Variants in PTPRD observed in about 807,000 individuals in gnomAD.
The protein encoded by PTPRD is receptor-type tyrosine-protein phosphatase delta.
In PTPRD, 34 loss-of-function variants were observed where a neutral mutation model predicts 214.5. The ratio of observed to expected loss-of-function variants is 0.16; its 90% CI spans 0.12 to 0.21. The LOEUF (loss-of-function observed/expected upper bound fraction) is 0.21. Ranked by LOEUF, PTPRD falls within the 10% of genes least tolerant of loss-of-function variation. The pLI is 1.00. For synonymous variants in PTPRD, 1,128 were observed against 845.7 expected (o/e 1.33, Z -5.79); for missense variants, 2,545 against 2,398.7 (o/e 1.06, Z -1.27).
At chr9:8,882,045 G>C (rs2098450304) in intron 11 of PTPRD, among the ~76,000 whole-genome samples, 1 of 152,262 alleles carries the variant, frequency 6.6e-6, no homozygotes, top group East Asian at 1.9e-4. Context: ...GGAGTCCTGA[G>C]GATCATGTCT....
intron 2 of PTPRD, among the ~76,000 whole-genome samples, chr9:10,515,598 C>T (rs1363726168): frequency 1.3e-5 from 2 of 151,782 alleles, no homozygotes; most frequent in Admixed American, 1.3e-4. Context: ...AGTAAGAATA[C>T]TTAATATAAG....
chr9:10,079,126 T>C (rs895577985), intron 3 of PTPRD, among the ~76,000 whole-genome samples: 9 of 152,120 alleles, frequency 5.9e-5, no homozygotes, highest in African/African-American at 9.6e-5. Context: ...AATTCTTTTA[T>C]TGCTATCCCT....
intron 11 of PTPRD, among the ~76,000 whole-genome samples, chr9:8,878,746 T>G (rs955016494): frequency 6.6e-6 from 1 of 152,182 alleles, no homozygotes; most frequent in African/African-American, 2.4e-5. Context: ...CCTGCTGGTC[T>G]TGAATGCCTG....
At chr9:9,465,808 T>G (rs1003493904) in intron 8 of PTPRD, among the ~76,000 whole-genome samples, 2 of 152,202 alleles carry the variant, frequency 1.3e-5, no homozygotes, top group East Asian at 3.9e-4. Flanking sequence ...GGCGATTTGC[T>G]TCCATGGAAA....
chr9:8,496,967 C>A (rs1028843116), intron 26 of PTPRD, among the ~76,000 whole-genome samples: 1 of 152,212 alleles, frequency 6.6e-6, no homozygotes, highest in Non-Finnish European at 1.5e-5. Context: ...TTAAAGCATG[C>A]CTCCTCTGAC....
chr9:8,979,016 T>C (rs7024787), intron 11 of PTPRD, among the ~76,000 whole-genome samples: 23,357 of 152,136 alleles, frequency 0.15, 2,454 homozygotes, highest in Non-Finnish European at 0.23. Flanking sequence ...TTAAAGAGTC[T>C]TGTGAAGTTG....
intron 3 of PTPRD, among the ~76,000 whole-genome samples, chr9:10,101,110 T>G (rs2098547598): frequency 6.6e-6 from 1 of 151,538 alleles, no homozygotes; most frequent in Non-Finnish European, 1.5e-5. Context: ...CAGATGGGAC[T>G]GACTGAAAGT....
chr9:9,694,351 T>A (rs779509704), intron 7 of PTPRD, among the ~76,000 whole-genome samples: 1 of 152,032 alleles, frequency 6.6e-6, no homozygotes, highest in Non-Finnish European at 1.5e-5. Flanking sequence ...TCTGGATGAA[T>A]TCTCTACATT....
At chr9:9,847,758 G>A (rs998905116) in intron 5 of PTPRD, among the ~76,000 whole-genome samples, 7 of 152,064 alleles carry the variant, frequency 4.6e-5, no homozygotes, top group Non-Finnish European at 8.8e-5. Flanking sequence ...TGGTGCCTGT[G>A]AAGTTATTTC....
intron 3 of PTPRD, among the ~76,000 whole-genome samples, chr9:10,149,579 G>A (rs993674839): frequency 1.3e-5 from 2 of 152,268 alleles, no homozygotes; most frequent in South Asian, 4.1e-4. Flanking sequence ...TAGTCCCCAT[G>A]ACTGTTGGAA....
chr9:9,115,690 A>G (rs1428937620), intron 10 of PTPRD, among the ~76,000 whole-genome samples: 3 of 152,282 alleles, frequency 2.0e-5, no homozygotes, highest in Middle Eastern at 3.4e-3. Context: ...TATGTTTATC[A>G]CAACACAATT....
chr9:9,987,031 G>A (rs1226710459), intron 4 of PTPRD, among the ~76,000 whole-genome samples: 1 of 152,120 alleles, frequency 6.6e-6, no homozygotes, highest in Non-Finnish European at 1.5e-5. Context: ...AGTAGCTAGT[G>A]TATAAGAGAG....
chr9:10,471,711 G>A lies in PTPRD; in HGVS notation c.-599-130694C>T, dbSNP rs145987422. ...ATAAAGACTTCATGGAAATATTTAT[G>A]ATATATAGATAAAGAAGTCATCGTT... On this transcript the variant is annotated intron_variant, in intron 2 of 45. Transcript: ENST00000381196. 4.0e-3 allele frequency among the ~76,000 whole-genome samples: 613 copies of A among 152,128 alleles called. 6 individuals carry two copies. Among genetic ancestry groups the A allele is most frequent in the African/African-American group, 0.014 (583 of 41,520 alleles).
intron 10 of PTPRD, among the ~76,000 whole-genome samples, chr9:9,069,166 A>T (rs1247018438): frequency 6.6e-6 from 1 of 152,216 alleles, no homozygotes; most frequent in Non-Finnish European, 1.5e-5. Flanking sequence ...TTAAATTCCC[A>T]AGACAAGAAC....
chr9:10,270,101 T>C (rs1420577045), intron 3 of PTPRD, among the ~76,000 whole-genome samples: 1 of 152,108 alleles, frequency 6.6e-6, no homozygotes, highest in Non-Finnish European at 1.5e-5. Context: ...CATGTATATA[T>C]GTGCATGTGT....
intron 25 of PTPRD, 37 bp from the exon 26 acceptor site, chr9:8,497,305 TA>T: frequency 6.4e-7 from 1 of 1,558,144 alleles, no homozygotes; most frequent in Non-Finnish European, 8.7e-7. Context: ...GAAAACAAAA[TA>T]AAAAGAAAAA....
chr9:10,564,445 GAAAAAA>G (rs570678959), intron 2 of PTPRD, among the ~76,000 whole-genome samples: 1 of 139,856 alleles, frequency 7.2e-6, no homozygotes. Context: ...TTGATTAAAA[GAAAAAA>G]AAAAAAGAAA....
chr9:8,723,995 G>T (rs574678422), intron 12 of PTPRD, among the ~76,000 whole-genome samples: 1 of 152,314 alleles, frequency 6.6e-6, no homozygotes, highest in Admixed American at 6.5e-5. Context: ...AAATTGTACA[G>T]TGAATTTAAA....
chr9:8,541,982 T>C (rs2078560548), intron 14 of PTPRD, among the ~76,000 whole-genome samples: 1 of 151,756 alleles, frequency 6.6e-6, no homozygotes, highest in South Asian at 2.1e-4. Context: ...CTACCAAAAG[T>C]TACATGAATG....
Sources: gnomAD v4.1 joint callset for allele counts (sites outside exome capture counted in the v4.1 genomes callset) on GRCh38, gnomAD v4.1.1 for gene constraint, MANE v1.5 for transcripts, NCBI Gene and HGNC (gene_info 2026-07-23, HGNC 2026-07-21) for gene names.